The following KCNQ1 variants were observed in gnomAD, a reference collection of about 807,000 sequenced individuals.
KCNQ1 encodes potassium voltage-gated channel subfamily Q member 1.
Under a neutral mutation model 72.4 loss-of-function variants are expected in KCNQ1, and 49 were observed. The ratio of observed to expected loss-of-function variants is 0.68; its 90% CI spans 0.54 to 0.86. The LOEUF (loss-of-function observed/expected upper bound fraction) is 0.86, where lower values mean the gene tolerates loss of function less well. KCNQ1 is among the 40% of genes least tolerant of loss of function. KCNQ1 has a pLI of 0.00. For synonymous variants in KCNQ1, 450 were observed against 412.6 expected (o/e 1.09, Z -1.10); for missense variants, 790 against 945.1 (o/e 0.84, Z 2.15).
At chr11:2,731,889 A>T (rs973984350) in intron 11 of KCNQ1, among the ~76,000 whole-genome samples, 1 of 152,196 alleles carries the variant, frequency 6.6e-6, no homozygotes, top group African/African-American at 2.4e-5. Context: ...TCAGGACCAC[A>T]ATTCTGAGGG....
rs1273534507 is a variant in KCNQ1 at position 2,447,230 on chromosome 11, G to A, written c.386+1746G>A. Among the ~76,000 whole-genome samples the A allele has an allele frequency of 6.6e-6, 1 of 152,096 alleles. No individual in the cohort carries two copies. The highest frequency in any genetic ancestry group is 1.5e-5 in the Non-Finnish European group (1 of 68,016). ...TGTTTAGGTCTCGGAAGTTTGCTCA[G>A]CAAGAGTCTACCTTCGCCCAGCCTC... On this transcript the variant is annotated intron_variant, in intron 1 of 15. Coordinates refer to ENST00000155840, the MANE Select transcript of KCNQ1 (RefSeq NM_000218.3). The surrounding 1 kb of genome is among the most constrained non-coding windows in gnomAD (Gnocchi z 7.6).
Position 2,767,496 on chromosome 11 carries a change from T to C in KCNQ1, c.1515-1348T>C, listed in dbSNP as rs1590075821. 6.6e-6 allele frequency among the ~76,000 whole-genome samples: 1 copy of C among 152,214 alleles called. No homozygotes were observed. Among genetic ancestry groups the C allele is most frequent in the Non-Finnish European group, 1.5e-5 (1 of 68,034 alleles). On this transcript the variant is annotated intron_variant, in intron 11 of 15. Coordinates refer to ENST00000155840, the MANE Select transcript of KCNQ1 (RefSeq NM_000218.3). This position sits in a 1 kb window ranked among gnomAD's most constrained non-coding sequence, Gnocchi z 4.6. ...GTACCACACCTTTAGATCTGTATGA[T>C]CTCTCTTTTCCCTTGCCTTTTAGTC...
At chr11:2,529,624 C>G (rs530045067) in intron 2 of KCNQ1, among the ~76,000 whole-genome samples, 8 of 152,188 alleles carry the variant, frequency 5.3e-5, no homozygotes, top group African/African-American at 1.7e-4. Context: ...ACTTTCCTGG[C>G]GTCTGCGAAA....
At chr11:2,716,765 G>A (rs947464424) in intron 11 of KCNQ1, among the ~76,000 whole-genome samples, 3 of 152,312 alleles carry the variant, frequency 2.0e-5, no homozygotes, top group African/African-American at 4.8e-5. Flanking sequence ...TGGGTGGCCC[G>A]CATTGAACAG....
chr11:2,630,541 T>C, intron 10 of KCNQ1: 1 of 398,330 alleles, frequency 2.5e-6, no homozygotes, highest in African/African-American at 2.1e-5. Flanking sequence ...TGCATATCCA[T>C]TGAGAAATTA....
At chr11:2,610,917 G>A (rs1218450798) in intron 10 of KCNQ1, 2 of 398,032 alleles carry the variant, frequency 5.0e-6, no homozygotes, top group African/African-American at 2.1e-5. Flanking sequence ...TTGGGTAATA[G>A]TTCAATAACT....
chr11:2,585,378 C>A, intron 8 of KCNQ1, 71 bp downstream of exon 8: 1 of 1,355,340 alleles, frequency 7.4e-7, no homozygotes, highest in Non-Finnish European at 1.0e-6. Flanking sequence ...CCCTCACGGC[C>A]ACCTGTCAGA....
chr11:2,714,108 T>G (rs1415528644), intron 11 of KCNQ1, among the ~76,000 whole-genome samples: 2 of 152,224 alleles, frequency 1.3e-5, no homozygotes, highest in Non-Finnish European at 2.9e-5. Context: ...CCTCTCCTGT[T>G]GCTGGGGCCT....
chr11:2,580,567 C>T (rs1848484336), intron 6 of KCNQ1, among the ~76,000 whole-genome samples: 1 of 152,198 alleles, frequency 6.6e-6, no homozygotes, highest in African/African-American at 2.4e-5. Context: ...AGCAACGTCC[C>T]ACTGCTTACG....
chr11:2,778,484 C>A (rs1021335711), intron 15 of KCNQ1, among the ~76,000 whole-genome samples: 2 of 152,158 alleles, frequency 1.3e-5, no homozygotes, highest in African/African-American at 4.8e-5. Context: ...GGTGCAGGGC[C>A]CAGCTGGGAT....
At chr11:2,705,479 G>A (rs533330209) in intron 11 of KCNQ1, among the ~76,000 whole-genome samples, 3,892 of 128,960 alleles carry the variant, frequency 0.03, 110 homozygotes, top group East Asian at 0.092. Context: ...GCCAGGCACG[G>A]GGGGGTGGGA....
At chr11:2,472,950 A>G (rs552715113) in intron 1 of KCNQ1, among the ~76,000 whole-genome samples, 6 of 152,042 alleles carry the variant, frequency 3.9e-5, no homozygotes, top group Admixed American at 3.9e-4. Context: ...CGAGATGGGC[A>G]TGAGCAGAGG....
intron 15 of KCNQ1, among the ~76,000 whole-genome samples, chr11:2,825,275 G>C (rs1847816380): frequency 6.6e-6 from 1 of 152,222 alleles, no homozygotes; most frequent in African/African-American, 2.4e-5. Flanking sequence ...TCTGCAGCCA[G>C]GCCGCCAGGG....
chr11:2,477,432 A>T lies in KCNQ1; in HGVS notation c.386+31948A>T, dbSNP rs1846587624. On this transcript the variant is annotated intron_variant, in intron 1 of 15. Coordinates refer to ENST00000155840, the MANE Select transcript of KCNQ1 (RefSeq NM_000218.3). This position sits in a 1 kb window ranked among gnomAD's most constrained non-coding sequence, Gnocchi z 5.0. ...GATGCCGTCTGCTACTGAGAGAGCC[A>T]GTCATGTTAGTGGCTCAATGGGCAG... Among the ~76,000 whole-genome samples the T allele has an allele frequency of 6.6e-6, 1 of 152,218 alleles. No homozygotes were observed. Among genetic ancestry groups the T allele is most frequent in the South Asian group, 2.1e-4 (1 of 4,826 alleles).
Position 2,661,830 on chromosome 11 carries a change from A to AT in KCNQ1, c.1394-129dup. On this transcript the variant is annotated intron_variant, in intron 10 of 15. Coordinates refer to ENST00000155840, the MANE Select transcript of KCNQ1 (RefSeq NM_000218.3). The surrounding 1 kb of genome is among the most constrained non-coding windows in gnomAD (Gnocchi z 5.9). ...ACCCCAACACCCAACTATAAAACTG[A>AT]TTGTCAGGGCTGGAGCTTCCAGGCA... is the stretch of plus-strand genomic sequence containing the variant. 9.1e-7 allele frequency: 1 copy of AT among 1,095,136 alleles called. No individual in the cohort carries two copies. Among genetic ancestry groups the AT allele is most frequent in the Non-Finnish European group, 1.4e-6 (1 of 724,112 alleles). The allele number at this position is 1,095,136 out of a possible 1,614,324, so 67.8% of individuals were successfully genotyped here. A position where few individuals can be genotyped will look rare whatever the true frequency, so the allele number is the denominator to read the frequency against.
chr11:2,596,331 C>T (rs550174763), intron 10 of KCNQ1, among the ~76,000 whole-genome samples: 3 of 152,230 alleles, frequency 2.0e-5, no homozygotes, highest in African/African-American at 7.2e-5. Flanking sequence ...GATTCTATTC[C>T]TAGGTATTTA....
chr11:2,470,712 G>C (rs1406864332), intron 1 of KCNQ1, among the ~76,000 whole-genome samples: 1 of 151,438 alleles, frequency 6.6e-6, no homozygotes, highest in East Asian at 1.9e-4. Flanking sequence ...GGTGGGGGGG[G>C]GGGTGCTTAG....
intron 6 of KCNQ1, among the ~76,000 whole-genome samples, chr11:2,575,253 C>T (rs916087112): frequency 3.3e-5 from 5 of 152,212 alleles, no homozygotes; most frequent in African/African-American, 4.8e-5. Flanking sequence ...CCTTTGTGCC[C>T]GGCTTGGCAT....
At chr11:2,527,300 G>A (rs1847526573) in intron 1 of KCNQ1, among the ~76,000 whole-genome samples, 1 of 152,184 alleles carries the variant, frequency 6.6e-6, no homozygotes, top group Non-Finnish European at 1.5e-5. Flanking sequence ...GCAGGTGTCA[G>A]GACCCCCACC....
Sources: gnomAD v4.1 joint callset for allele counts (sites outside exome capture counted in the v4.1 genomes callset) on GRCh38, gnomAD v4.1.1 for gene constraint, Gnocchi (gnomAD v3.1) non-coding constraint, MANE v1.5 for transcripts, NCBI Gene and HGNC (gene_info 2026-07-23, HGNC 2026-07-21) for gene names.